Variants in CKM observed in about 807,000 individuals in gnomAD.
The protein encoded by CKM is creatine kinase, M-type.
A neutral mutation model predicts 35.4 loss-of-function variants in CKM; 28 were observed. That is an observed-to-expected ratio of 0.79 (90% CI 0.59 to 1.08). The LOEUF is 1.08. Among genes scored for constraint, CKM ranks in the 50% least tolerant of loss-of-function variants. CKM has a pLI of 0.00. For missense variants in CKM, 484 were observed against 509.8 expected (o/e 0.95, Z 0.49); for synonymous variants, 215 against 204.4 (o/e 1.05, Z -0.44).
At chr19:45,307,127 A>C (rs1248837679) in intron 7 of CKM, among the ~76,000 whole-genome samples, 199 bp from the exon 8 acceptor site, 1 of 152,154 alleles carries the variant, frequency 6.6e-6, no homozygotes, top group Non-Finnish European at 1.5e-5. Flanking sequence ...CTCAGTTATC[A>C]AACATAGTAT....
In CKM at chr19:45,308,525, C is replaced by A; in HGVS notation, c.661G>T (p.Asp221Tyr). The change falls in exon 6 of 8, where the codon GAC becomes TAC. Residue 221 changes from aspartate (D) to tyrosine (Y), a missense_variant. Physicochemically the swap from Asp to Tyr is radical, Grantham distance 160 (BLOSUM62 -3). Transcript: ENST00000221476. ...WPDARGIWHN[D>Y]NKSFLVWVNE... The stretch of plus-strand genomic sequence containing the variant: ...ACCCACACCAGGAAGCTCTTGTTGT[C>A]ATTGTGCCTAGAGTAAGGTGCCGCA... 1 of 1,614,030 alleles carries A rather than the reference C, an allele frequency of 6.2e-7. No individual in the cohort carries two copies. Among genetic ancestry groups the A allele is most frequent in the Non-Finnish European group, 8.5e-7 (1 of 1,179,954 alleles).
chr19:45,310,313 G>A (rs1261899992), intron 5 of CKM, among the ~76,000 whole-genome samples: 1 of 151,458 alleles, frequency 6.6e-6, no homozygotes, highest in African/African-American at 2.4e-5. Context: ...GTAGAGACGG[G>A]GTTTCACCAT....
intron 2 of CKM, 85 bp downstream of exon 2, chr19:45,319,436 C>A: frequency 9.1e-7 from 1 of 1,094,156 alleles, no homozygotes; most frequent in Admixed American, 1.9e-5. Flanking sequence ...GCCCCCCCCC[C>A]TTCAAGGGTG....
At chr19:45,321,835 G>A (rs888622305) in intron 1 of CKM, among the ~76,000 whole-genome samples, 2 of 152,116 alleles carry the variant, frequency 1.3e-5, no homozygotes, top group East Asian at 1.9e-4. Context: ...CTCCAGCAGC[G>A]GTGGGAGACG....
At chr19:45,320,069 G>A (rs1208532589) in intron 1 of CKM, among the ~76,000 whole-genome samples, 14 of 151,126 alleles carry the variant, frequency 9.3e-5, no homozygotes, top group Admixed American at 2.6e-4. Flanking sequence ...GATTACAGGC[G>A]TGAGCCACTG....
intron 2 of CKM, among the ~76,000 whole-genome samples, 168 bp from the exon 3 acceptor site, chr19:45,318,147 C>A (rs867641920): frequency 7.9e-5 from 12 of 152,194 alleles, no homozygotes; most frequent in South Asian, 2.1e-4. Flanking sequence ...GTGGCTCATG[C>A]CTGCAATCCC....
intron 5 of CKM, among the ~76,000 whole-genome samples, chr19:45,310,989 C>T (rs966611344): frequency 4.2e-5 from 6 of 143,922 alleles, no homozygotes; most frequent in Non-Finnish European, 6.0e-5. Context: ...ACCGTGTTAG[C>T]CAGGATGGTG....
At chr19:45,308,275 A>T in intron 6 of CKM, 134 bp downstream of exon 6, 1 of 1,043,426 alleles carries the variant, frequency 9.6e-7, no homozygotes, top group Non-Finnish European at 1.4e-6. Context: ...CATGGGGTGG[A>T]GCCAGGTCCG....
In CKM at chr19:45,311,877, A is replaced by G. The variant is rs1971113590; in HGVS notation, c.525T>C (p.Pro175=). 1.2e-6 allele frequency: 2 copies of G among 1,613,988 alleles called. No homozygotes were observed. The highest frequency in any genetic ancestry group is 1.7e-6 in the Non-Finnish European group (2 of 1,179,952). Residue 175 remains proline (P), a synonymous_variant, in exon 5 of 8, where the codon CCT becomes CCC. Transcript: ENST00000221476. ...GCTCCTTCTCCGTCATGCTCTTCAGAGGGTAGTACTTCCCTTTGAACTCGC... is the reference window on the plus strand; with the variant it reads ...GCTCCTTCTCCGTCATGCTCTTCAGGGGGTAGTACTTCCCTTTGAACTCGC... ...LTGEFKGKYY[P]LKSMTEKEQQ... is the part of the protein sequence containing the mutation.
intron 6 of CKM, 136 bp from the exon 7 acceptor site, chr19:45,307,786 A>C: frequency 1.5e-6 from 1 of 683,338 alleles, no homozygotes; most frequent in Non-Finnish European, 2.5e-6. Flanking sequence ...GGGAGGTAGG[A>C]GATTCCGAGG....
intron 7 of CKM, 144 bp downstream of exon 7, chr19:45,307,317 T>A (rs1971062262): frequency 2.8e-6 from 2 of 722,160 alleles, no homozygotes; most frequent in Non-Finnish European, 4.7e-6. Context: ...GACACCCATT[T>A]TACAGAGGAA....
chr19:45,322,043 C>T (rs1027067614), intron 1 of CKM, among the ~76,000 whole-genome samples: 1 of 152,074 alleles, frequency 6.6e-6, no homozygotes. Context: ...TCGGCTTGCA[C>T]CAAGTCAGCA....
rs1971194143 is a variant in CKM at position 45,319,672 on chromosome 19, G to A, written c.42C>T (p.Tyr14=). The change falls in exon 2 of 8, where the codon TAC becomes TAT. Residue 14 remains tyrosine, a synonymous_variant. Coordinates refer to ENST00000221476, the MANE Select transcript of CKM (RefSeq NM_001824.5). Reference sequence around the variant, plus strand: ...GGTCGGGGTACTCCTCCTCAGGCTTGTAATTCAGCTTGAACTTGTTGTGGG... The same window carrying A: ...GGTCGGGGTACTCCTCCTCAGGCTTATAATTCAGCTTGAACTTGTTGTGGG... The part of the protein sequence containing the change: ...GNTHNKFKLN[Y]KPEEEYPDLS... 1.2e-6 allele frequency: 2 copies of A among 1,614,216 alleles called. No homozygotes were observed. The highest frequency in any genetic ancestry group is 8.5e-7 in the Non-Finnish European group (1 of 1,180,040).
chr19:45,314,577 C>G (rs1971139845), intron 4 of CKM, among the ~76,000 whole-genome samples: 1 of 151,930 alleles, frequency 6.6e-6, no homozygotes. Flanking sequence ...CCAGACCCAG[C>G]TGATTTTTGT....
In CKM at chr19:45,317,994, G is replaced by C. The variant is rs752272939; in HGVS notation, c.194-15C>G. Reference sequence around the variant, plus strand: ...GAAGGGGTGACCTGGAGGGGTGGGGGTGAGGTCAGAGCTGCTTGTCCCCAG... The same window carrying C: ...GAAGGGGTGACCTGGAGGGGTGGGGCTGAGGTCAGAGCTGCTTGTCCCCAG... On this transcript the variant is annotated splice_polypyrimidine_tract_variant and intron_variant, in intron 2 of 7. Coordinates refer to ENST00000221476, the MANE Select transcript of CKM (RefSeq NM_001824.5). 6.2e-7 allele frequency: 1 copy of C among 1,613,416 alleles called. No homozygotes were observed. The highest frequency in any genetic ancestry group is 1.1e-5 in the South Asian group (1 of 91,040).
chr19:45,310,409 C>T (rs1474023301), intron 5 of CKM, among the ~76,000 whole-genome samples: 1 of 150,894 alleles, frequency 6.6e-6, no homozygotes, highest in Non-Finnish European at 1.5e-5. Flanking sequence ...CGTGAGCCAC[C>T]GCGCCTGGCC....
At chr19:45,318,853 C>T (rs1971184194) in intron 2 of CKM, among the ~76,000 whole-genome samples, 1 of 150,454 alleles carries the variant, frequency 6.6e-6, no homozygotes, top group African/African-American at 2.5e-5. Flanking sequence ...ATAACATCCC[C>T]TGTCAGATTC....
Position 45,315,488 on chromosome 19 carries a change from G to T in CKM, c.458C>A (p.Ala153Glu). 1.9e-6 allele frequency: 3 copies of T among 1,599,466 alleles called. No individual in the cohort carries two copies. Among genetic ancestry groups the T allele is most frequent in the South Asian group, 1.1e-5 (1 of 91,004 alleles). ...PPHCSRGERR[A>E]VEKLSVEALN... ...ACCTTCCACAGAGAGCTTCTCCACCGCCCGGCGCTCGCCACGGGAGCAGTG... is the reference window on the plus strand; with the variant it reads ...ACCTTCCACAGAGAGCTTCTCCACCTCCCGGCGCTCGCCACGGGAGCAGTG... Residue 153 changes from alanine (A) to glutamate (E), a missense_variant, in exon 4 of 8, where the codon GCG (alanine) becomes GAG (glutamate). Ala to Glu is a moderately radical substitution (Grantham distance 107, BLOSUM62 -1). Transcript: ENST00000221476.
In CKM at chr19:45,317,841, T is replaced by C. The variant is rs1032004811; in HGVS notation, c.332A>G (p.Asn111Ser). The C allele has an allele frequency of 1.9e-6, 3 of 1,614,018 alleles. No individual in the cohort carries two copies. The South Asian group carries it at 3.3e-5, about 18-fold the overall frequency. Reference sequence around the variant, plus strand: ...GACACCGACCTTGAGGTTTTCATGGTTGAGGTCAGTCTTGTGCTTGTCAGT... The same window carrying C: ...GACACCGACCTTGAGGTTTTCATGGCTGAGGTCAGTCTTGTGCTTGTCAGT... ...KPTDKHKTDL[N>S]HENLKGGDDL... Residue 111 changes from asparagine to serine, a missense_variant, in exon 3 of 8, where the codon AAC (asparagine) becomes AGC (serine). Physicochemically the swap from Asn to Ser is conservative, Grantham distance 46 (BLOSUM62 1). Coordinates refer to ENST00000221476, the MANE Select transcript of CKM (RefSeq NM_001824.5).
Sources: allele counts gnomAD v4.1 joint callset (sites outside exome capture counted in the v4.1 genomes callset), GRCh38; gene constraint gnomAD v4.1.1; transcripts MANE v1.5; gene names NCBI Gene and HGNC (gene_info 2026-07-23, HGNC 2026-07-21).